VWC2: variants seen among roughly 807,000 people sequenced by gnomAD.
VWC2 encodes the protein von Willebrand factor C domain containing 2, also known as brorin.
A neutral mutation model predicts 29.8 loss-of-function variants in VWC2; 14 were observed. That is an observed-to-expected ratio of 0.47 (90% CI 0.31 to 0.74). The LOEUF (loss-of-function observed/expected upper bound fraction) is 0.74. Among genes scored for constraint, VWC2 ranks in the 30% least tolerant of loss-of-function variants. The pLI, the probability that VWC2 is intolerant of heterozygous loss-of-function variation, is 0.05. For missense variants in VWC2, 457 were observed against 459.8 expected (o/e 0.99, Z 0.05); for synonymous variants, 213 against 199.0 (o/e 1.07, Z -0.59).
In VWC2 at chr7:49,921,287, A is replaced by G. The variant is rs1224198001; in HGVS notation, c.*9102A>G. 1 of 152,244 alleles carries G rather than the reference A, an allele frequency of 6.6e-6. No homozygotes were observed. The highest frequency in any genetic ancestry group is 1.5e-5 in the Non-Finnish European group (1 of 68,056). The allele number at this position is 152,244 out of a possible 1,614,324, so 9.4% of individuals were successfully genotyped here. On this transcript the variant is annotated 3_prime_UTR_variant, in exon 4 of 4. Transcript: ENST00000340652. Reference sequence around the variant, plus strand: ...GCAGAGATGATAGGAGTTAAAAGGCATAGGTGAGTTGTTCCCATCCCTGGC... The same window carrying G: ...GCAGAGATGATAGGAGTTAAAAGGCGTAGGTGAGTTGTTCCCATCCCTGGC...
chr7:49,873,302 C>T (rs1390553574), intron 3 of VWC2, among the ~76,000 whole-genome samples: 2 of 152,144 alleles, frequency 1.3e-5, no homozygotes, highest in Non-Finnish European at 2.9e-5. Flanking sequence ...TGGTGAGGGC[C>T]TGCTTCCTGG....
intron 3 of VWC2, among the ~76,000 whole-genome samples, chr7:49,861,780 C>G (rs1790660700): frequency 6.6e-6 from 1 of 152,180 alleles, no homozygotes; most frequent in Admixed American, 6.5e-5. Flanking sequence ...AGACTTGGCA[C>G]TCTTGTCAAA....
intron 3 of VWC2, among the ~76,000 whole-genome samples, chr7:49,811,856 T>G (rs571593959): frequency 6.6e-6 from 1 of 152,352 alleles, no homozygotes; most frequent in Non-Finnish European, 1.5e-5. Context: ...AAGATATGTA[T>G]GCAAATGTTC....
chr7:49,858,255 C>T (rs751738645), intron 3 of VWC2, among the ~76,000 whole-genome samples: 4 of 152,002 alleles, frequency 2.6e-5, no homozygotes, highest in African/African-American at 4.8e-5. Context: ...CACATGCACA[C>T]GTATGTTTAT....
rs1487250052 is a variant in VWC2, at chr7:49,911,912, A to AATACACGC, written c.827-121_827-120insTACACGCA. The AATACACGC allele has an allele frequency of 3.2e-5, 12 of 379,680 alleles. No homozygotes were observed. In the African/African-American group the frequency reaches 3.7e-4, roughly 12 times the overall value. 23.5% of individuals were successfully genotyped at this position (379,680 alleles called of 1,614,324 possible). ...ACTCTGTCTCAAAAACAAACAAACA[A>AATACACGC]ACAAATACACGCACACACACACACA... On this transcript the variant is annotated intron_variant, in intron 3 of 3. Transcript: ENST00000340652.
intron 2 of VWC2, among the ~76,000 whole-genome samples, chr7:49,787,775 C>T (rs115154891): frequency 1.9e-4 from 29 of 152,332 alleles, no homozygotes; most frequent in African/African-American, 6.3e-4. Context: ...GAGGGGTACA[C>T]TGTGCTCTAA....
At chr7:49,879,696 C>T (rs1474031480) in intron 3 of VWC2, among the ~76,000 whole-genome samples, 1 of 151,934 alleles carries the variant, frequency 6.6e-6, no homozygotes, top group Non-Finnish European at 1.5e-5. Flanking sequence ...CATCCTAGTA[C>T]ATAGTAATTC....
At chr7:49,775,126 G>A (rs1001310815) in intron 1 of VWC2, among the ~76,000 whole-genome samples, 1 of 152,194 alleles carries the variant, frequency 6.6e-6, no homozygotes, top group Admixed American at 6.5e-5. Flanking sequence ...GCCGGCCGGT[G>A]TCGTTCTTGG....
chr7:49,903,375 C>T (rs1263748788), intron 3 of VWC2, among the ~76,000 whole-genome samples: 1 of 152,162 alleles, frequency 6.6e-6, no homozygotes, highest in Non-Finnish European at 1.5e-5. Flanking sequence ...AACTGTGGTA[C>T]AGCCATACCA....
chr7:49,877,009 G>A (rs1272696723), intron 3 of VWC2, among the ~76,000 whole-genome samples: 1 of 151,988 alleles, frequency 6.6e-6, no homozygotes, highest in African/African-American at 2.4e-5. Flanking sequence ...GACAGTCTTG[G>A]GGTGCAGGGC....
intron 3 of VWC2, among the ~76,000 whole-genome samples, chr7:49,863,356 C>G (rs571281427): frequency 6.6e-6 from 1 of 152,316 alleles, no homozygotes; most frequent in African/African-American, 2.4e-5. Flanking sequence ...CTTCGCCACT[C>G]CAGCTAAAGA....
At chr7:49,866,308 G>T (rs888340893) in intron 3 of VWC2, among the ~76,000 whole-genome samples, 3 of 152,176 alleles carry the variant, frequency 2.0e-5, no homozygotes, top group South Asian at 4.1e-4. Flanking sequence ...GCCTAACACT[G>T]GTTGCCACTT....
intron 2 of VWC2, among the ~76,000 whole-genome samples, chr7:49,796,877 A>G (rs1788604830): frequency 6.6e-6 from 1 of 152,100 alleles, no homozygotes; most frequent in African/African-American, 2.4e-5. Context: ...GTGAATCCCA[A>G]CTCTCTACCA....
At chr7:49,897,593 A>C (rs1018757796) in intron 3 of VWC2, among the ~76,000 whole-genome samples, 4 of 151,882 alleles carry the variant, frequency 2.6e-5, no homozygotes, top group African/African-American at 9.7e-5. Flanking sequence ...AAAATCAACA[A>C]CTCTTCTTGG....
chr7:49,807,618 A>G (rs1195140239), intron 3 of VWC2, among the ~76,000 whole-genome samples: 3 of 152,202 alleles, frequency 2.0e-5, no homozygotes, highest in Admixed American at 2.0e-4. Context: ...ACATTTGACA[A>G]AAAATCATTT....
Position 49,918,136 on chromosome 7 carries a change from C to T in VWC2, c.*5951C>T, listed in dbSNP as rs538812395. 3 of 152,278 alleles carry T rather than the reference C, an allele frequency of 2.0e-5. No individual in the cohort carries two copies. The highest frequency in any genetic ancestry group is 7.2e-5 in the African/African-American group (3 of 41,564). 9.4% of individuals were successfully genotyped at this position (152,278 alleles called of 1,614,324 possible). On this transcript the variant is annotated 3_prime_UTR_variant, in exon 4 of 4. Transcript: ENST00000340652. Reference sequence around the variant, plus strand: ...TTCCTTCACTTATTATCACATTTAACCTCACAGTTCTCCCAAATTGTGGGT... The same window carrying T: ...TTCCTTCACTTATTATCACATTTAATCTCACAGTTCTCCCAAATTGTGGGT...
chr7:49,861,688 G>C, intron 3 of VWC2, among the ~76,000 whole-genome samples: 1 of 152,176 alleles, frequency 6.6e-6, no homozygotes, highest in South Asian at 2.1e-4. Context: ...TGAGGTAGGG[G>C]ACCAACTTCA....
rs574948048 is a variant in VWC2, at chr7:49,850,950, A to G, written c.826+48110A>G. ...GCTCCATTAGCTCCCTGGGGCTGCC[A>G]CAGCAAATCCCACAACCTGAGAACC... On this transcript the variant is annotated intron_variant, in intron 3 of 3. Coordinates refer to ENST00000340652, the MANE Select transcript of VWC2 (RefSeq NM_198570.5). 7.2e-5 allele frequency among the ~76,000 whole-genome samples: 11 copies of G among 152,360 alleles called. No homozygotes were observed. In the South Asian group the frequency reaches 2.3e-3, roughly 32 times the overall value.
intron 3 of VWC2, among the ~76,000 whole-genome samples, chr7:49,898,117 G>A (rs192031724): frequency 1.7e-3 from 256 of 152,062 alleles, no homozygotes; most frequent in Non-Finnish European, 2.9e-3. Context: ...ACATATATGT[G>A]TGTGTGTGTG....
Sources: gnomAD v4.1 joint callset for allele counts (sites outside exome capture counted in the v4.1 genomes callset) on GRCh38, gnomAD v4.1.1 for gene constraint, MANE v1.5 for transcripts, NCBI Gene and HGNC (gene_info 2026-07-23, HGNC 2026-07-21) for gene names.